The following YTHDF3 variants were observed in gnomAD, a reference collection of about 807,000 sequenced individuals.
YTHDF3 encodes YTH N6-methyladenosine RNA binding protein F3.
In YTHDF3, 9 loss-of-function variants were observed where a neutral mutation model predicts 52.5. That is an observed-to-expected ratio of 0.17 (90% CI 0.10 to 0.30). The LOEUF (loss-of-function observed/expected upper bound fraction) is 0.30, where lower values mean the gene tolerates loss of function less well. Among genes scored for constraint, YTHDF3 ranks in the 10% least tolerant of loss-of-function variants. The pLI is 1.00. For synonymous variants in YTHDF3, 274 were observed against 243.3 expected (o/e 1.13, Z -1.18); for missense variants, 534 against 715.0 (o/e 0.75, Z 2.89).
chr8:63,194,025 GT>G (rs34053682), intron 4 of YTHDF3, among the ~76,000 whole-genome samples: 205 of 143,524 alleles, frequency 1.4e-3, no homozygotes, highest in African/African-American at 3.4e-3. Context: ...GCAATCAATA[GT>G]TTTTTTTTTT....
intron 4 of YTHDF3, among the ~76,000 whole-genome samples, chr8:63,192,040 A>G (rs771968122): frequency 4.6e-5 from 7 of 152,212 alleles, no homozygotes; most frequent in African/African-American, 7.2e-5. Context: ...GTACAGCTCT[A>G]TGAATTTTAA....
intron 4 of YTHDF3, chr8:63,188,691 ATATATATATATTTT>A (rs1467832761): frequency 1.3e-4 from 8 of 63,908 alleles, no homozygotes; most frequent in African/African-American, 5.5e-4. Flanking sequence ...ATATATATAT[ATATATATATATTTT>A]TTTTTTTTTT....
intron 4 of YTHDF3, among the ~76,000 whole-genome samples, chr8:63,192,319 C>T (rs1356935455): frequency 6.6e-6 from 1 of 152,026 alleles, no homozygotes; most frequent in East Asian, 1.9e-4. Context: ...GTACTTTTAC[C>T]CTCCCCACCC....
Position 63,198,416 on chromosome 8 carries a change from G to A in YTHDF3, c.1734+10671G>A, listed in dbSNP as rs181331806. On this transcript the variant is annotated intron_variant, in intron 4 of 4. Transcript: ENST00000539294. ...CGAGTAGCCAGGACTACAGGTGTGC[G>A]CCACCATGGCTGGCTAATTTTTGTA... is the stretch of plus-strand genomic sequence containing the variant. Among the ~76,000 whole-genome samples the A allele has an allele frequency of 2.7e-3, 409 of 152,144 alleles. 1 individual carries two copies. The highest frequency in any genetic ancestry group is 4.5e-3 in the Non-Finnish European group (304 of 68,004).
At chr8:63,169,001 C>T in intron 1 of YTHDF3, 100 bp downstream of exon 1, 4 of 1,493,948 alleles carry the variant, frequency 2.7e-6, no homozygotes, top group Non-Finnish European at 3.5e-6. Context: ...GCTGCCGGCC[C>T]CATAACGGTG....
intron 3 of YTHDF3, among the ~76,000 whole-genome samples, chr8:63,183,729 A>G (rs1214718357): frequency 6.6e-6 from 1 of 152,128 alleles, no homozygotes; most frequent in African/African-American, 2.4e-5. Flanking sequence ...TAACTCCTGA[A>G]TTTTCCAGTT....
intron 4 of YTHDF3, among the ~76,000 whole-genome samples, chr8:63,202,083 A>G (rs948208313): frequency 6.6e-6 from 1 of 152,230 alleles, no homozygotes; most frequent in African/African-American, 2.4e-5. Context: ...CCTTTTTAGA[A>G]CTCAGTCTAC....
rs1436992625 is a variant in YTHDF3 at position 63,212,545 on chromosome 8, A to T, written c.*2839A>T. The T allele has an allele frequency of 6.6e-6, 1 of 152,636 alleles. No individual in the cohort carries two copies. Among genetic ancestry groups the T allele is most frequent in the Non-Finnish European group, 1.5e-5 (1 of 68,028 alleles). The allele number at this position is 152,636 out of a possible 1,614,324, so 9.5% of individuals were successfully genotyped here. On this transcript the variant is annotated 3_prime_UTR_variant, in exon 5 of 5. Transcript: ENST00000539294. ...GAATTGTGTTTTCATTAAGTTTTGCATATCTTTTGTTATGCCATGTAAATT... is the reference window on the plus strand; with the variant it reads ...GAATTGTGTTTTCATTAAGTTTTGCTTATCTTTTGTTATGCCATGTAAATT...
chr8:63,180,575 G>C (rs993471916), intron 3 of YTHDF3, among the ~76,000 whole-genome samples: 2 of 151,812 alleles, frequency 1.3e-5, no homozygotes, highest in African/African-American at 4.8e-5. Flanking sequence ...ACGGGGTGGC[G>C]GCTGGGCAGA....
intron 1 of YTHDF3, 52 bp downstream of exon 1, chr8:63,168,953 A>C (rs1030407120): frequency 2.6e-6 from 4 of 1,532,796 alleles, no homozygotes; most frequent in Non-Finnish European, 3.5e-6. Flanking sequence ...CCGGAGCTCC[A>C]CCCTCGCGCG....
At chr8:63,180,892 C>A (rs941253034) in intron 3 of YTHDF3, among the ~76,000 whole-genome samples, 1 of 152,178 alleles carries the variant, frequency 6.6e-6, no homozygotes, top group Non-Finnish European at 1.5e-5. Context: ...GAGAATCAGG[C>A]AGGGAGGTTG....
At position 63,168,727 on chromosome 8, in the gene YTHDF3, C is replaced by T. The variant is rs758582246; in HGVS notation, c.-151C>T. The T allele has an allele frequency of 1.0e-4, 151 of 1,464,920 alleles. 1 individual carries two copies. The highest frequency in any genetic ancestry group is 1.3e-4 in the Non-Finnish European group (143 of 1,077,840). The allele number at this position is 1,464,920 out of a possible 1,614,324, so 90.7% of individuals were successfully genotyped here. A position where few individuals can be genotyped will look rare whatever the true frequency, so the allele number is the denominator to read the frequency against. On this transcript the variant is annotated 5_prime_UTR_variant, in exon 1 of 5. Transcript: ENST00000539294. ...CGGGCCTCTTCCTCCGACTCCCGAG[C>T]GCGAGGCCCTCATTTTGGGTTCTCA...
At chr8:63,185,841 T>C (rs1017452436) in intron 3 of YTHDF3, among the ~76,000 whole-genome samples, 1 of 152,222 alleles carries the variant, frequency 6.6e-6, no homozygotes, top group Non-Finnish European at 1.5e-5. Context: ...GTAGAAATTA[T>C]GATATTTTTA....
chr8:63,194,043 CA>C (rs1208262133), intron 4 of YTHDF3, among the ~76,000 whole-genome samples: 1 of 149,426 alleles, frequency 6.7e-6, no homozygotes, highest in East Asian at 1.9e-4. Context: ...TTTTTTTCCC[CA>C]AAAAAATGGC....
At chr8:63,189,760 C>T (rs1044596674) in intron 4 of YTHDF3, among the ~76,000 whole-genome samples, 3 of 152,136 alleles carry the variant, frequency 2.0e-5, no homozygotes, top group African/African-American at 7.2e-5. Flanking sequence ...AAGGAACTTG[C>T]AGTGTACTTT....
At chr8:63,191,264 C>T (rs895766564) in intron 4 of YTHDF3, among the ~76,000 whole-genome samples, 5 of 152,062 alleles carry the variant, frequency 3.3e-5, no homozygotes, top group African/African-American at 4.8e-5. Context: ...CCACTTTTTT[C>T]TATTAATGTC....
At chr8:63,175,444 AG>A in intron 3 of YTHDF3, 28 bp downstream of exon 3, 1 of 1,553,220 alleles carries the variant, frequency 6.4e-7, no homozygotes, top group Non-Finnish European at 8.8e-7. Context: ...TTCAGATTTT[AG>A]GAAATTAACC....
chr8:63,169,497 G>T, intron 2 of YTHDF3, 86 bp downstream of exon 2: 1 of 1,425,130 alleles, frequency 7.0e-7, no homozygotes, highest in South Asian at 1.3e-5. Context: ...GTTTGTTTTT[G>T]CTCCCTCTTG....
At chr8:63,206,956 T>C (rs1810073129) in intron 4 of YTHDF3, among the ~76,000 whole-genome samples, 1 of 152,222 alleles carries the variant, frequency 6.6e-6, no homozygotes, top group African/African-American at 2.4e-5. Context: ...ACTTGATAGT[T>C]GCTCATTGTA....
Sources: allele counts gnomAD v4.1 joint callset (sites outside exome capture counted in the v4.1 genomes callset), GRCh38; gene constraint gnomAD v4.1.1; transcripts MANE v1.5; gene names NCBI Gene and HGNC (gene_info 2026-07-23, HGNC 2026-07-21).